Variants in RBFOX1 observed in about 807,000 individuals in gnomAD.
RBFOX1 encodes the protein RNA binding protein fox-1 homolog 1.
RBFOX1 carries 8 observed loss-of-function variants against 57.7 expected under a neutral mutation model. The observed-to-expected ratio is 0.14, with a 90% CI of 0.08 to 0.25. The LOEUF (loss-of-function observed/expected upper bound fraction) is 0.25. RBFOX1 is among the 10% of genes least tolerant of loss of function. The probability of loss-of-function intolerance (pLI) is 1.00; values close to 1 mark genes in which losing one functional copy is unlikely to be tolerated. For missense variants in RBFOX1, 611 were observed against 548.5 expected (o/e 1.11, Z -1.14); for synonymous variants, 326 against 222.4 (o/e 1.47, Z -4.15).
intron 1 of RBFOX1, among the ~76,000 whole-genome samples, chr16:6,227,472 AG>A (rs1347955984): frequency 6.6e-6 from 1 of 152,134 alleles, no homozygotes; most frequent in African/African-American, 2.4e-5. Context: ...TTGATTTCTC[AG>A]GGTTTTTTTT....
intron 2 of RBFOX1, among the ~76,000 whole-genome samples, chr16:6,451,657 A>G (rs2094626844): frequency 6.6e-6 from 1 of 152,158 alleles, no homozygotes; most frequent in African/African-American, 2.4e-5. Context: ...GGCTATCACC[A>G]GCCTTAGAAG....
intron 3 of RBFOX1, among the ~76,000 whole-genome samples, chr16:6,825,755 A>C (rs1379836399): frequency 6.6e-6 from 1 of 152,142 alleles, no homozygotes; most frequent in Non-Finnish European, 1.5e-5. Context: ...GGACACGTGT[A>C]ACGGGGTCCT....
chr16:5,830,351 C>T (rs926021329), intron 3 of RBFOX1, among the ~76,000 whole-genome samples: 1 of 151,778 alleles, frequency 6.6e-6, no homozygotes, highest in African/African-American at 2.4e-5. Flanking sequence ...CTAATGAGAT[C>T]ATTAAATTTC....
chr16:7,025,316 G>T (rs1342739296), intron 3 of RBFOX1, among the ~76,000 whole-genome samples: 1 of 152,172 alleles, frequency 6.6e-6, no homozygotes, highest in Non-Finnish European at 1.5e-5. Flanking sequence ...AGGACGACCA[G>T]AGGTCCCTCT....
intron 2 of RBFOX1, among the ~76,000 whole-genome samples, chr16:6,419,722 C>T (rs2093722980): frequency 6.6e-6 from 1 of 152,114 alleles, no homozygotes; most frequent in African/African-American, 2.4e-5. Context: ...TGACACATCC[C>T]AGTCGTGTTC....
chr16:6,309,997 C>A (rs1392097648), intron 1 of RBFOX1, among the ~76,000 whole-genome samples: 2 of 152,120 alleles, frequency 1.3e-5, no homozygotes, highest in African/African-American at 2.4e-5. Context: ...AAGTGATTCT[C>A]CTGCCTCAGC....
At chr16:7,562,594 C>A (rs1230034859) in intron 5 of RBFOX1, among the ~76,000 whole-genome samples, 2 of 152,182 alleles carry the variant, frequency 1.3e-5, no homozygotes, top group Non-Finnish European at 2.9e-5. Flanking sequence ...CCAGTGGCAC[C>A]TGAGCCCCAG....
intron 3 of RBFOX1, among the ~76,000 whole-genome samples, chr16:5,692,157 G>C (rs1256050313): frequency 6.8e-6 from 1 of 146,044 alleles, no homozygotes; most frequent in Non-Finnish European, 1.5e-5. Flanking sequence ...ATGCATAATA[G>C]GGACTGACTG....
intron 3 of RBFOX1, among the ~76,000 whole-genome samples, chr16:6,859,187 A>ACG (rs1567593816): frequency 0.042 from 2,648 of 62,936 alleles, 73 homozygotes; most frequent in South Asian, 0.077. Context: ...ATATATATGT[A>ACG]TATATATATG....
intron 3 of RBFOX1, among the ~76,000 whole-genome samples, chr16:6,785,152 C>G (rs373270744): frequency 2.0e-5 from 3 of 152,014 alleles, no homozygotes; most frequent in Non-Finnish European, 4.4e-5. Flanking sequence ...TATTTCATTT[C>G]TGAACAAAGA....
At chr16:6,898,000 G>A (rs888416430) in intron 3 of RBFOX1, among the ~76,000 whole-genome samples, 3 of 152,082 alleles carry the variant, frequency 2.0e-5, no homozygotes, top group African/African-American at 7.2e-5. Context: ...TAAACTACAG[G>A]CTCCACATGG....
At chr16:5,857,796 C>G (rs1251362537) in intron 3 of RBFOX1, among the ~76,000 whole-genome samples, 4 of 151,754 alleles carry the variant, frequency 2.6e-5, no homozygotes, top group African/African-American at 9.7e-5. Flanking sequence ...CTGCACAAAA[C>G]TTAGCCAGGC....
At chr16:6,854,560 T>C (rs1046671076) in intron 3 of RBFOX1, among the ~76,000 whole-genome samples, 5 of 148,346 alleles carry the variant, frequency 3.4e-5, no homozygotes, top group Admixed American at 2.1e-4. Context: ...CCTCACGCAT[T>C]ACCTCCCTGC....
intron 2 of RBFOX1, among the ~76,000 whole-genome samples, chr16:5,478,511 T>A (rs1368983580): frequency 6.6e-6 from 1 of 152,186 alleles, no homozygotes; most frequent in African/African-American, 2.4e-5. Context: ...GCATTTAGAA[T>A]TAAACACATA....
At chr16:6,584,194 A>G (rs976507070) in intron 2 of RBFOX1, among the ~76,000 whole-genome samples, 2 of 151,852 alleles carry the variant, frequency 1.3e-5, no homozygotes, top group African/African-American at 4.8e-5. Flanking sequence ...TTTCTCAGTA[A>G]AACAAAGGGA....
intron 1 of RBFOX1, chr16:5,261,085 CAAG>C (rs1303659685): frequency 6.6e-6 from 1 of 152,176 alleles, no homozygotes; most frequent in African/African-American, 2.4e-5. Context: ...GGAAAATAAA[CAAG>C]AAGTTATATA....
intron 2 of RBFOX1, among the ~76,000 whole-genome samples, chr16:6,348,247 G>C (rs1016339343): frequency 1.3e-5 from 2 of 152,156 alleles, no homozygotes; most frequent in Non-Finnish European, 2.9e-5. Flanking sequence ...CACTGTTTAG[G>C]AGCTGTGTAA....
intron 3 of RBFOX1, among the ~76,000 whole-genome samples, chr16:6,897,724 C>T (rs933001920): frequency 5.9e-5 from 9 of 152,066 alleles, no homozygotes; most frequent in African/African-American, 2.2e-4. Flanking sequence ...ACCCGGGAGG[C>T]AGAGGTTGCA....
chr16:7,437,933 C>G (rs1285555792), intron 4 of RBFOX1, among the ~76,000 whole-genome samples: 1 of 150,656 alleles, frequency 6.6e-6, no homozygotes, highest in African/African-American at 2.4e-5. Context: ...ACACCGCGAT[C>G]ATCAATTTAA....
Sources: allele counts gnomAD v4.1 joint callset (sites outside exome capture counted in the v4.1 genomes callset), GRCh38; gene constraint gnomAD v4.1.1; transcripts MANE v1.5; gene names NCBI Gene and HGNC (gene_info 2026-07-23, HGNC 2026-07-21).